ADAMTS14: variants seen among roughly 807,000 people sequenced by gnomAD.
ADAMTS14 encodes ADAM metallopeptidase with thrombospondin type 1 motif 14.
ADAMTS14 carries 100 observed loss-of-function variants against 128.6 expected under a neutral mutation model. That is an observed-to-expected ratio of 0.78 (90% CI 0.66 to 0.92). ADAMTS14 has a LOEUF of 0.92. Ranked by LOEUF, ADAMTS14 falls within the 40% of genes least tolerant of loss-of-function variation. The pLI, the probability that ADAMTS14 is intolerant of heterozygous loss-of-function variation, is 0.00. For synonymous variants in ADAMTS14, 665 were observed against 653.8 expected, an observed-to-expected ratio of 1.02 and a Z score of -0.26; for missense variants, 1,562 against 1,658.6, an observed-to-expected ratio of 0.94 and a Z score of 1.01.
At chr10:70,714,208 A>AG (rs1258197324) in intron 4 of ADAMTS14, among the ~76,000 whole-genome samples, 1 of 152,216 alleles carries the variant, frequency 6.6e-6, no homozygotes, top group East Asian at 1.9e-4. Context: ...TTAAAAAAAA[A>AG]GAATATCATT....
At chr10:70,749,398 A>G (rs959489553) in intron 15 of ADAMTS14, among the ~76,000 whole-genome samples, 1 of 151,766 alleles carries the variant, frequency 6.6e-6, no homozygotes, top group African/African-American at 2.4e-5. Flanking sequence ...CATCAATCCG[A>G]CTCCAGAGTC....
At position 70,725,151 on chromosome 10, in the gene ADAMTS14, C is replaced by T. The variant is rs556676478; in HGVS notation, c.871-4143C>T. Among the ~76,000 whole-genome samples the T allele has an allele frequency of 3.3e-5, 5 of 152,064 alleles. No homozygotes were observed. The South Asian group carries it at 6.3e-4, about 19-fold the overall frequency. On this transcript the variant is annotated intron_variant, in intron 4 of 21. Coordinates refer to ENST00000373207, the MANE Select transcript of ADAMTS14 (RefSeq NM_080722.4). ...GGTGAGTGATCTGTATTCTCTTTGA[C>T]GGAGGTGTGCTTACAGGGAAGTCCA...
intron 19 of ADAMTS14, among the ~76,000 whole-genome samples, chr10:70,754,455 G>A (rs778979337): frequency 1.3e-5 from 2 of 152,202 alleles, no homozygotes; most frequent in Admixed American, 6.5e-5. Context: ...GACTGCAGTC[G>A]GAGCTGGGTG....
At chr10:70,676,632 G>T (rs1364464470) in intron 2 of ADAMTS14, among the ~76,000 whole-genome samples, 1 of 152,242 alleles carries the variant, frequency 6.6e-6, no homozygotes, top group African/African-American at 2.4e-5. Flanking sequence ...AAAGCAGATT[G>T]TCAGGGCAGC....
At chr10:70,739,024 G>A in intron 11 of ADAMTS14, 34 bp downstream of exon 11, 1 of 1,564,072 alleles carries the variant, frequency 6.4e-7, no homozygotes, top group South Asian at 1.2e-5. Flanking sequence ...GGAGGGCAGG[G>A]AGTCCCTCCC....
At position 70,677,802 on chromosome 10, in the gene ADAMTS14, C is replaced by T. The variant is rs573942321; in HGVS notation, c.522+2807C>T. ...ACTTTCCGCCCACTCCAGGAAATGGCCCTGTGTCCCGTGACAGCAAGGGGC... is the reference window on the plus strand; with the variant it reads ...ACTTTCCGCCCACTCCAGGAAATGGTCCTGTGTCCCGTGACAGCAAGGGGC... On this transcript the variant is annotated intron_variant, in intron 2 of 21. Transcript: ENST00000373207. Among the ~76,000 whole-genome samples, 26 of 151,598 alleles carry T rather than the reference C, an allele frequency of 1.7e-4. No individual in the cohort carries two copies. The South Asian group carries it at 5.4e-3, about 31-fold the overall frequency.
intron 2 of ADAMTS14, among the ~76,000 whole-genome samples, chr10:70,685,710 G>A (rs971897262): frequency 1.3e-5 from 2 of 152,188 alleles, no homozygotes; most frequent in Non-Finnish European, 2.9e-5. Context: ...AAGGCCAAGC[G>A]TATGTGAACA....
chr10:70,745,191 G>C, intron 14 of ADAMTS14, 35 bp from the exon 15 acceptor site: 1 of 1,600,600 alleles, frequency 6.2e-7, no homozygotes, highest in Non-Finnish European at 8.5e-7. Flanking sequence ...ACCAGCTTAG[G>C]ATGCTCACGA....
chr10:70,677,698 A>G (rs1839687489), intron 2 of ADAMTS14, among the ~76,000 whole-genome samples: 1 of 152,134 alleles, frequency 6.6e-6, no homozygotes, highest in African/African-American at 2.4e-5. Flanking sequence ...CCTCCCCTCC[A>G]GGCCCTGGGA....
At position 70,674,765 on chromosome 10, in the gene ADAMTS14, C is replaced by G; in HGVS notation, c.292C>G (p.Pro98Ala). The change falls in exon 2 of 22, where the codon CCT becomes GCT. Residue 98 changes from proline to alanine, a missense_variant. Coordinates refer to ENST00000373207, the MANE Select transcript of ADAMTS14 (RefSeq NM_080722.4). The stretch of plus-strand genomic sequence containing the variant: ...TCTGCACCCAGGAGGGACCCTGTGG[C>G]CTGGCAGGGTGGGGCGCCACTCCCT... ...SPLHPGGTLWPGRVGRHSLYF... is the reference protein window; with the variant it reads ...SPLHPGGTLWAGRVGRHSLYF... The G allele has an allele frequency of 6.2e-7, 1 of 1,613,480 alleles. No individual in the cohort carries two copies. The highest frequency in any genetic ancestry group is 8.5e-7 in the Non-Finnish European group (1 of 1,179,950).
At chr10:70,758,349 A>G (rs1842529990) in intron 21 of ADAMTS14, 64 bp downstream of exon 21, 1 of 1,449,832 alleles carries the variant, frequency 6.9e-7, no homozygotes, top group Non-Finnish European at 9.4e-7. Context: ...GTGTTGCAGC[A>G]TGGGCCACTC....
chr10:70,741,847 G>A (rs1343177492), intron 12 of ADAMTS14, among the ~76,000 whole-genome samples: 1 of 152,216 alleles, frequency 6.6e-6, no homozygotes, highest in Non-Finnish European at 1.5e-5. Context: ...ATCCAGTGAA[G>A]GGTTGGGATT....
chr10:70,679,651 G>A (rs748070275), intron 2 of ADAMTS14, among the ~76,000 whole-genome samples: 8 of 152,376 alleles, frequency 5.3e-5, no homozygotes, highest in South Asian at 2.1e-4. Context: ...GATGCCCTGC[G>A]ACGGGGTGAC....
At chr10:70,679,527 C>T (rs1228052715) in intron 2 of ADAMTS14, among the ~76,000 whole-genome samples, 1 of 152,106 alleles carries the variant, frequency 6.6e-6, no homozygotes, top group Non-Finnish European at 1.5e-5. Context: ...GAGTGGGGTC[C>T]CTGCTTCTCA....
chr10:70,702,208 T>C (rs560069733), intron 2 of ADAMTS14, 104 bp from the exon 3 acceptor site: 1 of 1,509,348 alleles, frequency 6.6e-7, no homozygotes, highest in African/African-American at 1.4e-5. Flanking sequence ...CCTGCAAGCA[T>C]GTAGGGTCAC....
rs1396789895 is a variant in ADAMTS14, at chr10:70,672,655, G to A, written c.-148G>A. On this transcript the variant is annotated 5_prime_UTR_variant, in exon 1 of 22. Transcript: ENST00000373207. ...GCAGGGGACCCGGAGCAGGCGGGAG[G>A]GAAGCAGCTAGGCGGGGAGGCGGCT... 2 of 1,168,626 alleles carry A rather than the reference G, an allele frequency of 1.7e-6. No homozygotes were observed. Among genetic ancestry groups the A allele is most frequent in the African/African-American group, 3.2e-5 (2 of 62,114 alleles). The allele number at this position is 1,168,626 out of a possible 1,614,324, so 72.4% of individuals were successfully genotyped here. A position where few individuals can be genotyped will look rare whatever the true frequency, so the allele number is the denominator to read the frequency against.
At chr10:70,675,255 T>G (rs1370272550) in intron 2 of ADAMTS14, among the ~76,000 whole-genome samples, 4 of 152,154 alleles carry the variant, frequency 2.6e-5, no homozygotes, top group Admixed American at 6.5e-5. Flanking sequence ...TGTTTCTGAG[T>G]GCAGAGAGAC....
At chr10:70,748,249 G>A (rs1033616283) in intron 15 of ADAMTS14, among the ~76,000 whole-genome samples, 1 of 152,206 alleles carries the variant, frequency 6.6e-6, no homozygotes, top group African/African-American at 2.4e-5. Flanking sequence ...GGACAGTGGA[G>A]AGTTTATGGT....
chr10:70,748,549 T>C (rs545725442), intron 15 of ADAMTS14, among the ~76,000 whole-genome samples: 27 of 152,100 alleles, frequency 1.8e-4, no homozygotes, highest in African/African-American at 5.3e-4. Context: ...TGCCCCTACA[T>C]TGCTCCTGTC....
Sources: allele counts gnomAD v4.1 joint callset (sites outside exome capture counted in the v4.1 genomes callset), GRCh38; gene constraint gnomAD v4.1.1; transcripts MANE v1.5; gene names NCBI Gene and HGNC (gene_info 2026-07-23, HGNC 2026-07-21).